DNAH12: variants seen among roughly 807,000 people sequenced by gnomAD.
The protein encoded by DNAH12 is dynein axonemal heavy chain 12, also known as axonemal beta dynein heavy chain 12.
A neutral mutation model predicts 371.5 loss-of-function variants in DNAH12; 285 were observed. The observed-to-expected ratio is 0.77, with a 90% CI of 0.70 to 0.85. The LOEUF is 0.85. DNAH12 is among the 40% of genes least tolerant of loss of function. DNAH12 has a pLI of 0.00. For synonymous variants in DNAH12, 1,200 were observed against 1,213.0 expected (o/e 0.99, Z 0.22); for missense variants, 3,611 against 3,689.4 (o/e 0.98, Z 0.55).
chr3:57,356,642 T>C (rs1430078129), intron 59 of DNAH12, among the ~76,000 whole-genome samples: 2 of 152,104 alleles, frequency 1.3e-5, no homozygotes, highest in African/African-American at 4.8e-5. Context: ...AATCCTTCCA[T>C]GCCTAAATCT....
intron 2 of DNAH12, among the ~76,000 whole-genome samples, chr3:57,525,832 G>T (rs1335228099): frequency 8.4e-6 from 1 of 118,924 alleles, no homozygotes; most frequent in African/African-American, 3.3e-5. Flanking sequence ...GCATGATCTC[G>T]ACTCACCAAA....
At chr3:57,425,237 GT>G (rs2064727501) in intron 34 of DNAH12, 96 bp from the exon 35 acceptor site, 2 of 626,928 alleles carry the variant, frequency 3.2e-6, no homozygotes, top group Non-Finnish European at 5.7e-6. Flanking sequence ...AGCATACATG[GT>G]TTTAATAAGG....
At chr3:57,471,182 T>C (rs902344267) in intron 15 of DNAH12, among the ~76,000 whole-genome samples, 6 of 151,840 alleles carry the variant, frequency 4.0e-5, no homozygotes, top group Non-Finnish European at 2.9e-5. Context: ...CAAAACCCCA[T>C]CTCTACAAGA....
Position 57,507,796 on chromosome 3 carries a change from T to C in DNAH12, c.744A>G (p.Leu248=). 2 of 1,598,220 alleles carry C rather than the reference T, an allele frequency of 1.3e-6. No individual in the cohort carries two copies. Among genetic ancestry groups the C allele is most frequent in the Admixed American group, 1.8e-5 (1 of 54,118 alleles). ...PIDCESLKTD[L]SIQTRNAEEK... Reference sequence around the variant, plus strand: ...CTTCTGCGTTTCTAGTTTGTATTGATAGATCAGTTTTCAGTGATTCACAGT... The same window carrying C: ...CTTCTGCGTTTCTAGTTTGTATTGACAGATCAGTTTTCAGTGATTCACAGT... The change falls in exon 8 of 74, where the codon CTA becomes CTG. Residue 248 remains leucine (L), a synonymous_variant. Coordinates refer to ENST00000495027, the MANE Select transcript of DNAH12 (RefSeq NM_001366028.2).
intron 4 of DNAH12, among the ~76,000 whole-genome samples, chr3:57,516,053 C>CTTTTGTTT (rs2068179811): frequency 1.4e-5 from 1 of 71,964 alleles, no homozygotes; most frequent in Non-Finnish European, 2.4e-5. Context: ...ACTGCTTAGT[C>CTTTTGTTT]TTTTTTTTTT....
chr3:57,377,437 T>C (rs1405478382), intron 52 of DNAH12, among the ~76,000 whole-genome samples: 3 of 152,214 alleles, frequency 2.0e-5, no homozygotes, highest in East Asian at 3.9e-4. Flanking sequence ...ACCTATAAAA[T>C]AGATAATTTA....
rs937386956 is a variant in DNAH12 at position 57,481,542 on chromosome 3, A to G, written c.1650+1834T>C. On this transcript the variant is annotated intron_variant, in intron 13 of 73. Transcript: ENST00000495027. ...TGCCATCCCCATCAAGCTACCAATG[A>G]CTTTCTTCACAGAATTGGAAAAAAC... Among the ~76,000 whole-genome samples, 100 of 152,206 alleles carry G rather than the reference A, an allele frequency of 6.6e-4. 1 individual carries two copies. Among genetic ancestry groups the G allele is most frequent in the Non-Finnish European group, 1.2e-3 (81 of 67,992 alleles).
In DNAH12 at chr3:57,458,207, G is replaced by C. The variant is rs1357398123; in HGVS notation, c.2945C>G (p.Thr982Ser). 3 of 1,543,776 alleles carry C rather than the reference G, an allele frequency of 1.9e-6. No individual in the cohort carries two copies. The highest frequency in any genetic ancestry group is 1.7e-4 in the Middle Eastern group (1 of 5,968). The change falls in exon 21 of 74, where the codon ACT (threonine) becomes AGT (serine). Residue 982 changes from threonine (T) to serine (S), a missense_variant. Transcript: ENST00000495027. Reference sequence around the variant, plus strand: ...TTTTTCCAATAAACCTGTTAAAGAAGTGGCAGCAAGAACCTAAACGAGACA... The same window carrying C: ...TTTTTCCAATAAACCTGTTAAAGAACTGGCAGCAAGAACCTAAACGAGACA... ...CAKDPKVLAA[T>S]SLTGLLEKLQ... is the part of the protein sequence containing the mutation.
rs139612525 is a variant in DNAH12, at chr3:57,456,359, T to C, written c.3336+1362A>G. ...AAGAAAAAGAACACTCACTCACATATAGTGAGTTGCTGAATATAAAGCTTC... is the reference window on the plus strand; with the variant it reads ...AAGAAAAAGAACACTCACTCACATACAGTGAGTTGCTGAATATAAAGCTTC... On this transcript the variant is annotated intron_variant, in intron 22 of 73. Coordinates refer to ENST00000495027, the MANE Select transcript of DNAH12 (RefSeq NM_001366028.2). Among the ~76,000 whole-genome samples the C allele has an allele frequency of 4.1e-3, 623 of 152,278 alleles. 4 individuals carry two copies. Among genetic ancestry groups the C allele is most frequent in the African/African-American group, 0.014 (576 of 41,546 alleles).
Position 57,323,131 on chromosome 3 carries a change from CA to C in DNAH12, c.10258del (p.Cys3420AlafsTer35). ...KAAIEEGTWV[C>X]LQNCHLAVSW... is the part of the protein sequence containing the mutation. ...CACTGCAAGATGGCAATTCTGTAGG[CA>C]CACCCAAGTTCCTTCTTCAATTGCT... On this transcript the variant is annotated frameshift_variant, in exon 64 of 74. Coordinates refer to ENST00000495027, the MANE Select transcript of DNAH12 (RefSeq NM_001366028.2). LOFTEE classifies it high-confidence loss of function. 6.4e-7 allele frequency: 1 copy of C among 1,552,394 alleles called. No homozygotes were observed. The highest frequency in any genetic ancestry group is 8.7e-7 in the Non-Finnish European group (1 of 1,147,142).
chr3:57,396,405 T>TTG (rs1363955819), intron 43 of DNAH12, among the ~76,000 whole-genome samples: 5 of 151,876 alleles, frequency 3.3e-5, no homozygotes, highest in Admixed American at 6.6e-5. Flanking sequence ...GTGATTTTTT[T>TTG]TTTGTTTTTT....
At chr3:57,481,880 G>A (rs1354749914) in intron 13 of DNAH12, among the ~76,000 whole-genome samples, 1 of 152,152 alleles carries the variant, frequency 6.6e-6, no homozygotes, top group African/African-American at 2.4e-5. Flanking sequence ...GTAGCAAGCT[G>A]AAACTGGATC....
chr3:57,338,159 C>T lies in DNAH12; in HGVS notation c.9675-3219G>A, dbSNP rs950873502. On this transcript the variant is annotated intron_variant, in intron 60 of 73. Coordinates refer to ENST00000495027, the MANE Select transcript of DNAH12 (RefSeq NM_001366028.2). ...TGCCGAGTGCCTGGGATTGCAGGCA[C>T]GCGACGCCATGCCTGACTGGTTTTT... Among the ~76,000 whole-genome samples, 25 of 152,244 alleles carry T rather than the reference C, an allele frequency of 1.6e-4. 1 individual carries two copies. The highest frequency in any genetic ancestry group is 7.2e-4 in the Admixed American group (11 of 15,296).
chr3:57,509,094 A>G (rs772404029), intron 6 of DNAH12, 46 bp downstream of exon 6: 8 of 1,486,976 alleles, frequency 5.4e-6, no homozygotes, highest in East Asian at 4.5e-5. Context: ...TTTTTTATCT[A>G]TATCAAAAAT....
intron 51 of DNAH12, among the ~76,000 whole-genome samples, chr3:57,380,025 T>G (rs892491855): frequency 6.6e-6 from 1 of 152,000 alleles, no homozygotes; most frequent in Non-Finnish European, 1.5e-5. Context: ...ACAAGACATT[T>G]AGACAACTCT....
At chr3:57,532,871 T>A (rs2153400829) in intron 2 of DNAH12, among the ~76,000 whole-genome samples, 1 of 152,316 alleles carries the variant, frequency 6.6e-6, no homozygotes, top group Non-Finnish European at 1.5e-5. Context: ...CGTAGGTCTC[T>A]ACAATCAGCA....
chr3:57,448,183 G>A (rs145573607), intron 25 of DNAH12, among the ~76,000 whole-genome samples: 3,916 of 152,306 alleles, frequency 0.026, 66 homozygotes, highest in Non-Finnish European at 0.034. Context: ...CTCGAGGTGA[G>A]TCTTACAGCT....
At chr3:57,342,484 CAAA>C (rs71088060) in intron 60 of DNAH12, among the ~76,000 whole-genome samples, 2,839 of 66,044 alleles carry the variant, frequency 0.043, 129 homozygotes, top group African/African-American at 0.15. Flanking sequence ...ACTAAAAATA[CAAA>C]AAAAAAAAAA....
rs1343220465 is a variant in DNAH12 at position 57,433,804 on chromosome 3, A to G, written c.4680T>C (p.Phe1560=). Residue 1560 remains phenylalanine, a synonymous_variant, in exon 31 of 74, where the codon TTT becomes TTC. Coordinates refer to ENST00000495027, the MANE Select transcript of DNAH12 (RefSeq NM_001366028.2). ...RHGFMLVGEP[F]AAKTKVLHVL... is the part of the protein sequence containing the mutation. ...CATGCAGAACTTTTGTCTTAGCAGC[A>G]AAAGGCTCTCCTACTAACATAAAAC... 2 of 1,546,474 alleles carry G rather than the reference A, an allele frequency of 1.3e-6. No individual in the cohort carries two copies. Among genetic ancestry groups the G allele is most frequent in the East Asian group, 4.9e-5 (2 of 40,888 alleles).
Sources: allele counts gnomAD v4.1 joint callset (sites outside exome capture counted in the v4.1 genomes callset), GRCh38; gene constraint gnomAD v4.1.1; transcripts MANE v1.5; gene names NCBI Gene and HGNC (gene_info 2026-07-23, HGNC 2026-07-21).